PTPRN2: variants seen among roughly 807,000 people sequenced by gnomAD.
The protein encoded by PTPRN2 is receptor-type tyrosine-protein phosphatase N2.
In PTPRN2, 74 loss-of-function variants were observed where a neutral mutation model predicts 118.8. The observed-to-expected ratio is 0.62, with a 90% CI of 0.52 to 0.76. PTPRN2 has a LOEUF of 0.76. PTPRN2 is among the 30% of genes least tolerant of loss of function. The pLI is 0.00. For missense variants in PTPRN2, 1,481 were observed against 1,394.4 expected, an observed-to-expected ratio of 1.06 and a Z score of -0.99; for synonymous variants, 641 against 608.0, an observed-to-expected ratio of 1.05 and a Z score of -0.80.
At chr7:157,994,400 C>T (rs1284735251) in intron 11 of PTPRN2, among the ~76,000 whole-genome samples, 1 of 151,812 alleles carries the variant, frequency 6.6e-6, no homozygotes, top group Non-Finnish European at 1.5e-5. Context: ...AGGACAGAGA[C>T]CAGGGAGCGA....
chr7:158,498,661 T>C (rs1822130500), intron 1 of PTPRN2, among the ~76,000 whole-genome samples: 2 of 152,234 alleles, frequency 1.3e-5, no homozygotes. Context: ...AAGAAAACAT[T>C]TCTAACCTTG....
intron 12 of PTPRN2, among the ~76,000 whole-genome samples, chr7:157,866,830 GCCCC>G (rs1174190183): frequency 1.3e-4 from 1 of 7,438 alleles, no homozygotes; most frequent in African/African-American, 5.6e-4. Flanking sequence ...GGCCACCACC[GCCCC>G]CCCCCGACGC....
intron 2 of PTPRN2, among the ~76,000 whole-genome samples, chr7:158,423,755 C>T (rs1815464207): frequency 6.6e-6 from 1 of 152,150 alleles, no homozygotes; most frequent in African/African-American, 2.4e-5. Flanking sequence ...AAGTGTTCCG[C>T]CCACCTCCGC....
At chr7:157,918,863 G>A (rs548191785) in intron 11 of PTPRN2, among the ~76,000 whole-genome samples, 2 of 152,326 alleles carry the variant, frequency 1.3e-5, no homozygotes, top group East Asian at 1.9e-4. Context: ...AGGGCCTGAC[G>A]GCGGCCATCC....
chr7:157,705,299 CCAAAACAAAA>C lies in PTPRN2; in HGVS notation c.1789-22372_1789-22363del, dbSNP rs372000528. On this transcript the variant is annotated intron_variant, in intron 12 of 22. Transcript: ENST00000389418. The stretch of plus-strand genomic sequence containing the variant: ...CCAGCCTGGGTGACAGAGTGAGACT[CCAAAACAAAA>C]CAAAACACAACAAAACAAAACCCTC... Among the ~76,000 whole-genome samples, 349 of 152,228 alleles carry C rather than the reference CCAAAACAAAA, an allele frequency of 2.3e-3. 1 individual carries two copies. Among genetic ancestry groups the C allele is most frequent in the African/African-American group, 7.9e-3 (328 of 41,534 alleles).
chr7:158,221,212 C>G (rs780208969), intron 3 of PTPRN2, among the ~76,000 whole-genome samples: 3 of 151,966 alleles, frequency 2.0e-5, no homozygotes, highest in African/African-American at 7.2e-5. Context: ...ATACAAAAAT[C>G]AATTTAAGAT....
intron 9 of PTPRN2, among the ~76,000 whole-genome samples, chr7:158,123,732 G>T (rs1441646480): frequency 6.6e-6 from 1 of 152,220 alleles, no homozygotes; most frequent in Admixed American, 6.5e-5. Flanking sequence ...CTTTTTAAAT[G>T]CCAGCAGCTA....
chr7:157,649,811 A>T lies in PTPRN2; in HGVS notation c.2196+6546T>A, dbSNP rs564559623. On this transcript the variant is annotated intron_variant, in intron 14 of 22. Transcript: ENST00000389418. Reference sequence around the variant, plus strand: ...GGTCGGACCCATCCAGCGTGCACTGAACTCGGTGGGTCGGACCCATTCACT... The same window carrying T: ...GGTCGGACCCATCCAGCGTGCACTGTACTCGGTGGGTCGGACCCATTCACT... Among the ~76,000 whole-genome samples, 7 of 149,598 alleles carry T rather than the reference A, an allele frequency of 4.7e-5. No individual in the cohort carries two copies. In the East Asian group the frequency reaches 1.4e-3, roughly 30 times the overall value.
At position 157,602,896 on chromosome 7, in the gene PTPRN2, C is replaced by T. The variant is rs117173153; in HGVS notation, c.2418+1106G>A. Reference sequence around the variant, plus strand: ...CGATTTGTGCCTCGATCACCTGCCCCGTCTCACTCAGCCCTAGAACAGCAT... The same window carrying T: ...CGATTTGTGCCTCGATCACCTGCCCTGTCTCACTCAGCCCTAGAACAGCAT... On this transcript the variant is annotated intron_variant, in intron 16 of 22. Transcript: ENST00000389418. 2.2e-3 allele frequency among the ~76,000 whole-genome samples: 342 copies of T among 152,370 alleles called. 1 individual carries two copies. In the Middle Eastern group the frequency reaches 0.034, roughly 15 times the overall value.
chr7:157,726,561 A>T (rs1011078357), intron 12 of PTPRN2, among the ~76,000 whole-genome samples: 1 of 152,272 alleles, frequency 6.6e-6, no homozygotes, highest in Non-Finnish European at 1.5e-5. Context: ...GACCTAAAAC[A>T]TACAGGGCAA....
At chr7:158,511,367 T>C (rs896088590) in intron 1 of PTPRN2, among the ~76,000 whole-genome samples, 1 of 152,202 alleles carries the variant, frequency 6.6e-6, no homozygotes, top group Non-Finnish European at 1.5e-5. Context: ...ACAGAGACTA[T>C]GGAAATGCGA....
intron 19 of PTPRN2, 33 bp downstream of exon 19, chr7:157,576,580 C>T (rs1284639291): frequency 3.8e-6 from 6 of 1,580,400 alleles, no homozygotes; most frequent in African/African-American, 1.4e-5. Context: ...GCGCTCAGCG[C>T]GCACTGCCCT....
chr7:158,024,900 T>TA (rs1807153739), intron 11 of PTPRN2, among the ~76,000 whole-genome samples: 1 of 152,066 alleles, frequency 6.6e-6, no homozygotes, highest in African/African-American at 2.4e-5. Flanking sequence ...AAAATTTACC[T>TA]AAAAAAGAAA....
chr7:158,353,314 G>A lies in PTPRN2; in HGVS notation c.164-36382C>T, dbSNP rs938440240. ...AGAGTCAAAAGATGACACATCACTC[G>A]GGGCTTTATAAAATCCAGGACTCAT... On this transcript the variant is annotated intron_variant, in intron 2 of 22. Coordinates refer to ENST00000389418, the MANE Select transcript of PTPRN2 (RefSeq NM_002847.5). Among the ~76,000 whole-genome samples, 10 of 152,134 alleles carry A rather than the reference G, an allele frequency of 6.6e-5. No individual in the cohort carries two copies. In the East Asian group the frequency reaches 7.7e-4, roughly 12 times the overall value.
At chr7:158,146,507 G>T (rs551032294) in intron 6 of PTPRN2, among the ~76,000 whole-genome samples, 1 of 151,988 alleles carries the variant, frequency 6.6e-6, no homozygotes, top group African/African-American at 2.4e-5. Context: ...GGATCACGAG[G>T]TCAGGAGATC....
intron 2 of PTPRN2, among the ~76,000 whole-genome samples, chr7:158,402,403 T>C (rs1409265820): frequency 6.6e-6 from 1 of 152,156 alleles, no homozygotes; most frequent in Non-Finnish European, 1.5e-5. Context: ...GAGGTGGGGC[T>C]GGCTCATGCT....
rs1806421278 is a variant in PTPRN2, at chr7:158,015,945, C to T, written c.1723+65353G>A. Among the ~76,000 whole-genome samples, 1 of 152,164 alleles carries T rather than the reference C, an allele frequency of 6.6e-6. No homozygotes were observed. The highest frequency in any genetic ancestry group is 1.5e-5 in the Non-Finnish European group (1 of 68,038). On this transcript the variant is annotated intron_variant, in intron 11 of 22. Coordinates refer to ENST00000389418, the MANE Select transcript of PTPRN2 (RefSeq NM_002847.5). The surrounding 1 kb of genome is among the most constrained non-coding windows in gnomAD (Gnocchi z 4.2). ...GGGAAGTTTCATGTCTTTCCTCACA[C>T]GTGGCAGGGACGGCTGTGGGGTCCC...
chr7:158,012,312 C>A lies in PTPRN2; in HGVS notation c.1723+68986G>T, dbSNP rs148490483. 7.8e-3 allele frequency among the ~76,000 whole-genome samples: 1,190 copies of A among 152,290 alleles called. 14 individuals carry two copies. Among genetic ancestry groups the A allele is most frequent in the African/African-American group, 0.028 (1,143 of 41,548 alleles). On this transcript the variant is annotated intron_variant, in intron 11 of 22. Transcript: ENST00000389418. ...TGATACATAGATGACACGACGCTGG[C>A]TTTACACACCACATCACGGTGAGAC...
chr7:158,301,949 C>CA (rs1041012786), intron 3 of PTPRN2, among the ~76,000 whole-genome samples: 23 of 151,942 alleles, frequency 1.5e-4, no homozygotes, highest in Non-Finnish European at 2.9e-4. Context: ...GAGCCTGTCT[C>CA]AAAAAAAGCA....
Sources: allele counts gnomAD v4.1 joint callset (sites outside exome capture counted in the v4.1 genomes callset), GRCh38; gene constraint gnomAD v4.1.1; non-coding constraint Gnocchi (gnomAD v3.1); transcripts MANE v1.5; gene names NCBI Gene and HGNC (gene_info 2026-07-23, HGNC 2026-07-21).